Variants in STOX2 observed in about 807,000 individuals in gnomAD.
STOX2 encodes storkhead-box protein 2.
STOX2 carries 28 observed loss-of-function variants against 60.9 expected under a neutral mutation model. That is an observed-to-expected ratio of 0.46 (90% CI 0.34 to 0.63). STOX2 has a LOEUF of 0.63. Among genes scored for constraint, STOX2 ranks in the 30% least tolerant of loss-of-function variants. STOX2 has a pLI of 0.01. For missense variants in STOX2, 1,024 were observed against 1,187.7 expected (o/e 0.86, Z 2.03); for synonymous variants, 472 against 463.9 (o/e 1.02, Z -0.22).
chr4:183,958,283 A>C (rs1243849042), intron 1 of STOX2, among the ~76,000 whole-genome samples: 1 of 152,140 alleles, frequency 6.6e-6, no homozygotes, highest in Non-Finnish European at 1.5e-5. Context: ...GAGCTAGGAG[A>C]AATATACATA....
intron 1 of STOX2, among the ~76,000 whole-genome samples, chr4:183,950,069 G>A (rs28589866): frequency 0.029 from 4,468 of 152,264 alleles, 203 homozygotes; most frequent in African/African-American, 0.1. Flanking sequence ...TTTGCTAACT[G>A]CATTGGATTA....
intron 1 of STOX2, among the ~76,000 whole-genome samples, chr4:183,995,527 T>C (rs1288759588): frequency 6.6e-6 from 1 of 152,100 alleles, no homozygotes; most frequent in African/African-American, 2.4e-5. Context: ...TGGATGCGCT[T>C]GATAAAGCTA....
intron 1 of STOX2, among the ~76,000 whole-genome samples, chr4:183,861,044 C>T (rs1241122011): frequency 6.6e-6 from 1 of 152,168 alleles, no homozygotes; most frequent in African/African-American, 2.4e-5. Context: ...TGTTACGGTA[C>T]ACTAATCCAA....
At chr4:183,990,043 A>G (rs1470860870) in intron 1 of STOX2, among the ~76,000 whole-genome samples, 1 of 152,218 alleles carries the variant, frequency 6.6e-6, no homozygotes, top group Admixed American at 6.5e-5. Flanking sequence ...ACAGAAGAAA[A>G]GAGAGCATGT....
chr4:183,857,159 A>AT (rs1209697764), intron 1 of STOX2, among the ~76,000 whole-genome samples: 1 of 150,908 alleles, frequency 6.6e-6, no homozygotes, highest in Non-Finnish European at 1.5e-5. Flanking sequence ...AGGACTGGTT[A>AT]TCCTGCAGGT....
At chr4:183,827,442 G>T (rs993317734) in intron 1 of STOX2, among the ~76,000 whole-genome samples, 9 of 151,594 alleles carry the variant, frequency 5.9e-5, no homozygotes, top group Non-Finnish European at 1.3e-4. Context: ...CAGTGAGCTG[G>T]GATCATACCA....
chr4:183,808,981 G>A (rs369004667), intron 1 of STOX2, among the ~76,000 whole-genome samples: 2 of 152,200 alleles, frequency 1.3e-5, no homozygotes, highest in Non-Finnish European at 2.9e-5. Context: ...TTTTCTAGGG[G>A]TAGTGATGAA....
chr4:183,819,652 T>C (rs1459237580), intron 1 of STOX2, among the ~76,000 whole-genome samples: 1 of 151,910 alleles, frequency 6.6e-6, no homozygotes, highest in Non-Finnish European at 1.5e-5. Context: ...AAAATATCAT[T>C]GCTTTGATGT....
Position 183,825,325 on chromosome 4 carries a change from G to A in STOX2, c.364+27270G>A, listed in dbSNP as rs754002255. The stretch of plus-strand genomic sequence containing the variant: ...CTTAGGAGGGAGATGCAGCTGATGA[G>A]GCTTCCCAAGCAGTAGGTTGGGAGG... On this transcript the variant is annotated intron_variant, in intron 1 of 2. Coordinates refer to the STOX2 transcript ENST00000513034. This position sits in a 1 kb window ranked among gnomAD's most constrained non-coding sequence, Gnocchi z 4.1. Among the ~76,000 whole-genome samples the A allele has an allele frequency of 6.6e-6, 1 of 152,182 alleles. No homozygotes were observed. The highest frequency in any genetic ancestry group is 1.5e-5 in the Non-Finnish European group (1 of 68,020).
chr4:183,841,733 A>G (rs1739867376), intron 1 of STOX2, among the ~76,000 whole-genome samples: 1 of 152,254 alleles, frequency 6.6e-6, no homozygotes, highest in Non-Finnish European at 1.5e-5. Flanking sequence ...TACATGCCAG[A>G]TGATTATACA....
chr4:183,798,924 T>A, intron 1 of STOX2: 1 of 147,292 alleles, frequency 6.8e-6, no homozygotes, highest in South Asian at 2.3e-4. Flanking sequence ...TATTACATAG[T>A]AAATAGTAAA....
chr4:183,800,068 G>T (rs1398350179), intron 1 of STOX2, among the ~76,000 whole-genome samples: 1 of 151,444 alleles, frequency 6.6e-6, no homozygotes, highest in Non-Finnish European at 1.5e-5. Flanking sequence ...TGCCTGGGGG[G>T]TGGGGTGGGT....
At position 184,009,701 on chromosome 4, in the gene STOX2, C is replaced by T; in HGVS notation, c.863C>T (p.Ala288Val). 1.9e-6 allele frequency: 3 copies of T among 1,613,828 alleles called. No individual in the cohort carries two copies. Among genetic ancestry groups the T allele is most frequent in the Non-Finnish European group, 2.5e-6 (3 of 1,179,862 alleles). ...DKTKQLANFS[A>V]QFPPEEWPLR... ...ACCAAACAGCTGGCCAATTTTTCTG[C>T]CCAGTTTCCTCCTGAAGAGTGGCCC... The change falls in exon 3 of 4, where the codon GCC (alanine) becomes GTC (valine). Residue 288 changes from alanine to valine, a missense_variant. This residue lies in a region of STOX2 where 922 missense variants were observed against 1,058.3 expected (regional missense o/e 0.87). Transcript: ENST00000308497. The surrounding 1 kb of genome is among the most constrained non-coding windows in gnomAD (Gnocchi z 4.0).
chr4:183,898,724 G>A (rs1332218281), intron 1 of STOX2, among the ~76,000 whole-genome samples: 1 of 152,168 alleles, frequency 6.6e-6, no homozygotes, highest in Non-Finnish European at 1.5e-5. Context: ...AAATGACAGG[G>A]AGGGAAGAGT....
intron 1 of STOX2, among the ~76,000 whole-genome samples, chr4:183,985,311 G>T (rs1732798235): frequency 6.6e-6 from 1 of 152,096 alleles, no homozygotes; most frequent in African/African-American, 2.4e-5. Flanking sequence ...ACTTTCAACA[G>T]CAATGGTTGT....
Position 184,011,497 on chromosome 4 carries a change from T to C in STOX2, c.2585+74T>C. 6.3e-7 allele frequency: 1 copy of C among 1,585,150 alleles called. No individual in the cohort carries two copies. The highest frequency in any genetic ancestry group is 8.6e-7 in the Non-Finnish European group (1 of 1,163,700). On this transcript the variant is annotated intron_variant, in intron 3 of 3. Transcript: ENST00000308497. The surrounding 1 kb of genome is among the most constrained non-coding windows in gnomAD (Gnocchi z 4.4). ...GGCTTTATGCACGTAACTTGACAAGTTTCTGATTTCGTAGTCTCAGTTCTA... is the reference window on the plus strand; with the variant it reads ...GGCTTTATGCACGTAACTTGACAAGCTTCTGATTTCGTAGTCTCAGTTCTA...
At chr4:183,955,490 T>C (rs1448009714) in intron 1 of STOX2, among the ~76,000 whole-genome samples, 1 of 152,232 alleles carries the variant, frequency 6.6e-6, no homozygotes, top group Non-Finnish European at 1.5e-5. Context: ...TTCCTCCCTG[T>C]TCTTGGAGAC....
intron 1 of STOX2, among the ~76,000 whole-genome samples, chr4:184,000,022 A>C (rs1427530190): frequency 6.6e-6 from 1 of 152,102 alleles, no homozygotes. Context: ...AACTTAACAG[A>C]CCCTGTGAGC....
chr4:183,968,152 A>G (rs1391572824), intron 1 of STOX2, among the ~76,000 whole-genome samples: 1 of 152,122 alleles, frequency 6.6e-6, no homozygotes. Context: ...ATCTTTCTGA[A>G]ATCTAATCCA....
Sources: gnomAD v4.1 joint callset for allele counts (sites outside exome capture counted in the v4.1 genomes callset) on GRCh38, gnomAD v4.1.1 for gene constraint, gnomAD v4.1.1 regional missense constraint, Gnocchi (gnomAD v3.1) non-coding constraint, MANE v1.5 for transcripts, NCBI Gene and HGNC (gene_info 2026-07-23, HGNC 2026-07-21) for gene names.